The following THADA variants were observed in gnomAD, a reference collection of about 807,000 sequenced individuals.
The protein encoded by THADA is THADA armadillo repeat containing, also known as tRNA (32-2'-O)-methyltransferase regulator THADA.
A neutral mutation model predicts 219.8 loss-of-function variants in THADA; 213 were observed. The ratio of observed to expected loss-of-function variants is 0.97; its 90% CI spans 0.87 to 1.09. The LOEUF is 1.09. Ranked by LOEUF, THADA falls within the 50% of genes least tolerant of loss-of-function variation. The pLI, the probability that THADA is intolerant of heterozygous loss-of-function variation, is 0.00. For missense variants in THADA, 2,956 were observed against 2,311.3 expected (o/e 1.28, Z -5.72); for synonymous variants, 1,018 against 828.9 (o/e 1.23, Z -3.92).
chr2:43,574,108 C>G (rs1384080176), intron 11 of THADA, among the ~76,000 whole-genome samples: 1 of 152,132 alleles, frequency 6.6e-6, no homozygotes. Context: ...GAAAGTTTAT[C>G]ATTTTAAGTG....
At chr2:43,590,220 T>C (rs1037438909) in intron 4 of THADA, among the ~76,000 whole-genome samples, 2 of 152,186 alleles carry the variant, frequency 1.3e-5, no homozygotes, top group African/African-American at 2.4e-5. Flanking sequence ...TGTGTAAATA[T>C]ATATTTAAAC....
chr2:43,515,037 T>A (rs549072207), intron 22 of THADA, among the ~76,000 whole-genome samples: 2,438 of 37,572 alleles, frequency 0.065, 141 homozygotes, highest in South Asian at 0.093. Flanking sequence ...ATAATATATA[T>A]AAATATATAT....
intron 29 of THADA, among the ~76,000 whole-genome samples, chr2:43,377,094 G>A (rs1477989597): frequency 3.3e-5 from 5 of 152,198 alleles, no homozygotes; most frequent in Non-Finnish European, 5.9e-5. Flanking sequence ...GCACAATATC[G>A]TGGAAAGAGA....
chr2:43,507,897 G>A (rs1573991771), intron 23 of THADA, among the ~76,000 whole-genome samples: 1 of 152,282 alleles, frequency 6.6e-6, no homozygotes, highest in Non-Finnish European at 1.5e-5. Context: ...CTGATATGAA[G>A]CAATCTTTAA....
intron 30 of THADA, among the ~76,000 whole-genome samples, chr2:43,324,320 G>A (rs1679083794): frequency 6.6e-6 from 1 of 152,198 alleles, no homozygotes; most frequent in African/African-American, 2.4e-5. Context: ...CTGGCCTCCT[G>A]GGACACTTCA....
At chr2:43,482,981 T>A (rs1029752212) in intron 26 of THADA, among the ~76,000 whole-genome samples, 1 of 152,182 alleles carries the variant, frequency 6.6e-6, no homozygotes, top group Non-Finnish European at 1.5e-5. Flanking sequence ...TAAGGTCATC[T>A]CCAGTGGCAG....
chr2:43,571,883 A>C, intron 12 of THADA, 21 bp from the exon 13 acceptor site: 1 of 1,608,346 alleles, frequency 6.2e-7, no homozygotes, highest in African/African-American at 1.3e-5. Context: ...TCAAGCAATA[A>C]AATGTTAATT....
At chr2:43,366,869 G>A (rs1041599292) in intron 29 of THADA, among the ~76,000 whole-genome samples, 5 of 152,156 alleles carry the variant, frequency 3.3e-5, no homozygotes, top group Admixed American at 2.0e-4. Context: ...ACAGCAGATT[G>A]TACAGCCATG....
chr2:43,535,489 G>C (rs1694456791), intron 21 of THADA, among the ~76,000 whole-genome samples: 2 of 150,898 alleles, frequency 1.3e-5, no homozygotes, highest in African/African-American at 4.9e-5. Flanking sequence ...GACCAGTCTG[G>C]CCAACATGGT....
chr2:43,574,330 T>C lies in THADA; in HGVS notation c.1729+6A>G, dbSNP rs747798086. The C allele has an allele frequency of 6.6e-7, 1 of 1,524,530 alleles. No homozygotes were observed. Among genetic ancestry groups the C allele is most frequent in the Non-Finnish European group, 8.8e-7 (1 of 1,139,328 alleles). 94.4% of individuals were successfully genotyped at this position (1,524,530 alleles called of 1,614,324 possible). ...AACTACTAAAACAAAAATGCATTTTTCTTACCAGTTTTAGCATCAATAGAA... is the reference window on the plus strand; with the variant it reads ...AACTACTAAAACAAAAATGCATTTTCCTTACCAGTTTTAGCATCAATAGAA... On this transcript the variant is annotated splice_donor_region_variant and intron_variant, in intron 11 of 37. Coordinates refer to ENST00000405975, the MANE Select transcript of THADA (RefSeq NM_022065.5).
chr2:43,306,245 C>T (rs1173182856), intron 31 of THADA, among the ~76,000 whole-genome samples: 7 of 152,114 alleles, frequency 4.6e-5, no homozygotes, highest in African/African-American at 1.7e-4. Context: ...CTCCTGGGCT[C>T]AAGCAATTTA....
intron 29 of THADA, among the ~76,000 whole-genome samples, chr2:43,392,303 C>G (rs996977502): frequency 1.1e-4 from 17 of 152,170 alleles, no homozygotes; most frequent in Admixed American, 5.9e-4. Context: ...TTTGATGTAA[C>G]AGTAATATTA....
chr2:43,347,908 G>A (rs1298883752), intron 29 of THADA, among the ~76,000 whole-genome samples: 2 of 152,066 alleles, frequency 1.3e-5, no homozygotes, highest in South Asian at 2.1e-4. Context: ...TTCTGCAGAC[G>A]GCAAAGATTT....
intron 22 of THADA, among the ~76,000 whole-genome samples, chr2:43,515,352 TATATATA>T (rs70965303): frequency 0.25 from 14,509 of 58,548 alleles, 2,565 homozygotes; most frequent in African/African-American, 0.34. Context: ...TATAATATTT[TATATATA>T]ATATATAATA....
Position 43,304,677 on chromosome 2 carries a change from T to TC in THADA, c.4439-11465_4439-11464insG, listed in dbSNP as rs1265554643. Among the ~76,000 whole-genome samples the TC allele has an allele frequency of 2.6e-5, 4 of 151,666 alleles. 1 individual carries two copies. Among genetic ancestry groups the TC allele is most frequent in the East Asian group, 1.9e-4 (1 of 5,190 alleles). On this transcript the variant is annotated intron_variant, in intron 31 of 37. Coordinates refer to ENST00000405975, the MANE Select transcript of THADA (RefSeq NM_022065.5). ...AAAAAATACAGAGCAGACTTCATTT[T>TC]TTTTTTTTTTTTGTGATGGAGTCTC...
chr2:43,287,016 C>A lies in THADA; in HGVS notation c.5056G>T (p.Val1686Phe), dbSNP rs528278609. 2 of 1,613,746 alleles carry A rather than the reference C, an allele frequency of 1.2e-6. No homozygotes were observed. Among genetic ancestry groups the A allele is most frequent in the African/African-American group, 2.7e-5 (2 of 74,914 alleles). Residue 1686 changes from valine to phenylalanine, a missense_variant, in exon 35 of 38, where the codon GTC becomes TTC. Val to Phe is a conservative substitution (Grantham distance 50). Coordinates refer to ENST00000405975, the MANE Select transcript of THADA (RefSeq NM_022065.5). ...AGATGGTCTTCACATGACAAGATGA[C>A]CAGCTGAACCCACTGCTTCAGCTCA... ...AAELKQWVQLVILSCEDHLPT... is the reference protein window; with the variant it reads ...AAELKQWVQLFILSCEDHLPT...
intron 30 of THADA, among the ~76,000 whole-genome samples, chr2:43,340,320 C>T (rs1417455278): frequency 1.3e-5 from 2 of 152,210 alleles, no homozygotes; most frequent in African/African-American, 4.8e-5. Context: ...AAAAATTCCC[C>T]AACAACTCCA....
rs554376052 is a variant in THADA at position 43,586,966 on chromosome 2, C to T, written c.339G>A (p.Glu113=). The change falls in exon 5 of 38, where the codon GAG becomes GAA. Residue 113 remains glutamate (E), a synonymous_variant. Transcript: ENST00000405975. ...LNSLPDFFLP[E]AMHRFTSRLQ... ...GACGAGAAGTAAAACGGTGCATAGC[C>T]TCAGGTAGAAAAAAATCAGGCAGGC... is the stretch of plus-strand genomic sequence containing the variant. The T allele has an allele frequency of 6.8e-6, 11 of 1,613,384 alleles. No individual in the cohort carries two copies. The African/African-American group carries it at 1.3e-4, about 20-fold the overall frequency.
At chr2:43,564,840 C>T (rs1364615735) in intron 15 of THADA, 1 of 152,134 alleles carries the variant, frequency 6.6e-6, no homozygotes, top group Admixed American at 6.5e-5. Context: ...GAGACAAACC[C>T]TGAGACATAT....
Sources: allele counts gnomAD v4.1 joint callset (sites outside exome capture counted in the v4.1 genomes callset), GRCh38; gene constraint gnomAD v4.1.1; transcripts MANE v1.5; gene names NCBI Gene and HGNC (gene_info 2026-07-23, HGNC 2026-07-21).